CD163L1: variants seen among roughly 807,000 people sequenced by gnomAD.
The protein encoded by CD163L1 is CD163 molecule like 1.
Under a neutral mutation model 165.4 loss-of-function variants are expected in CD163L1, and 124 were observed. The observed-to-expected ratio is 0.75, with a 90% confidence interval of 0.65 to 0.87. CD163L1 has a LOEUF of 0.87. Among genes scored for constraint, CD163L1 ranks in the 40% least tolerant of loss-of-function variants. CD163L1 has a pLI of 0.00. For missense variants in CD163L1, 1,525 were observed against 1,799.9 expected (o/e 0.85, Z 2.76); for synonymous variants, 585 against 662.2 (o/e 0.88, Z 1.79).
In CD163L1 at chr12:7,396,140, T is replaced by C. The variant is rs763025188; in HGVS notation, c.2005A>G (p.Asn669Asp). 4.3e-6 allele frequency: 7 copies of C among 1,614,112 alleles called. No homozygotes were observed. In the South Asian group the frequency reaches 7.7e-5, roughly 18 times the overall value. The change falls in exon 8 of 20, where the codon AAT becomes GAT. Residue 669 changes from asparagine to aspartate, a missense_variant. Physicochemically the swap from Asn to Asp is conservative, Grantham distance 23. Transcript: ENST00000313599. ...LWSCRNSGWG[N>D]NDCSHSEDVG... The stretch of plus-strand genomic sequence containing the variant: ...TCTTCACTGTGACTGCAGTCATTAT[T>C]TCCCCACCCACTGTTCCTGCATGAC...
the CD163L1 span, among the ~76,000 whole-genome samples, chr12:7,335,786 A>T: frequency 9.6e-4 from 146 of 152,268 alleles, no homozygotes; most frequent in African/African-American, 3.2e-3. Context: ...ATCCAGAATC[A>T]ACAATGAACT....
At position 7,387,253 on chromosome 12, in the gene CD163L1, C is replaced by A. The variant is rs190813097; in HGVS notation, c.2051-7955G>T. 4.8e-3 allele frequency among the ~76,000 whole-genome samples: 733 copies of A among 152,102 alleles called. 8 individuals carry two copies. Among genetic ancestry groups the A allele is most frequent in the African/African-American group, 0.017 (693 of 41,514 alleles). ...CACAAGAAAGAATAAAATAAAATAT[C>A]TAGGAATACATTTAACCAAGGAGGT... On this transcript the variant is annotated intron_variant, in intron 8 of 19. Coordinates refer to ENST00000313599, the MANE Select transcript of CD163L1 (RefSeq NM_174941.6).
intron 4 of CD163L1, among the ~76,000 whole-genome samples, chr12:7,417,282 G>T (rs1948264656): frequency 6.6e-6 from 1 of 152,182 alleles, no homozygotes; most frequent in African/African-American, 2.4e-5. Context: ...CTGAGACTTT[G>T]CTGAAGTTGC....
At chr12:7,348,983 T>G (rs1029272911) in intron 4 of CD163L1, among the ~76,000 whole-genome samples, 3 of 152,036 alleles carry the variant, frequency 2.0e-5, no homozygotes, top group Non-Finnish European at 4.4e-5. Context: ...CTCTGAGACT[T>G]AAGGGGAAAA....
At position 7,372,540 on chromosome 12, in the gene CD163L1, T is replaced by C; in HGVS notation, c.3730+780A>G. Among the ~76,000 whole-genome samples, 1 of 152,024 alleles carries C rather than the reference T, an allele frequency of 6.6e-6. No homozygotes were observed. The highest frequency in any genetic ancestry group is 1.9e-4 in the East Asian group (1 of 5,192). The stretch of plus-strand genomic sequence containing the variant: ...TGTATGCCATTTGAAGGCTATTCAT[T>C]GAAATTAGAATATATTTACAGTATA... On this transcript the variant is annotated intron_variant, in intron 14 of 19. Coordinates refer to ENST00000313599, the MANE Select transcript of CD163L1 (RefSeq NM_174941.6). This position sits in a 1 kb window ranked among gnomAD's most constrained non-coding sequence, Gnocchi z 4.2.
the CD163L1 span, among the ~76,000 whole-genome samples, chr12:7,333,416 G>C: frequency 6.6e-6 from 1 of 152,106 alleles, no homozygotes; most frequent in African/African-American, 2.4e-5. Flanking sequence ...AATGAAGGCA[G>C]AAATAAAGAT....
chr12:7,346,501 C>T (rs1038727123), downstream of CD163L1, among the ~76,000 whole-genome samples: 1 of 152,042 alleles, frequency 6.6e-6, no homozygotes, highest in Non-Finnish European at 1.5e-5. Context: ...CTGCCCAATA[C>T]ATTTCCTGCC....
the CD163L1 span, among the ~76,000 whole-genome samples, chr12:7,320,087 T>A: frequency 1.3e-5 from 2 of 152,190 alleles, no homozygotes; most frequent in African/African-American, 4.8e-5. Flanking sequence ...TTAAGTTTAA[T>A]ACAAATTGTC....
At chr12:7,356,210 C>G (rs1335595538) in intron 19 of CD163L1, among the ~76,000 whole-genome samples, 1 of 151,950 alleles carries the variant, frequency 6.6e-6, no homozygotes. Context: ...TTAAGTTTTT[C>G]AATGAACTTT....
chr12:7,403,413 G>A (rs1191953415), intron 6 of CD163L1, 122 bp downstream of exon 6: 3 of 890,776 alleles, frequency 3.4e-6, no homozygotes, highest in Non-Finnish European at 5.0e-6. Context: ...TGCAGCTTAA[G>A]AGTATTTTGG....
chr12:7,355,621 T>C (rs1946758783), intron 19 of CD163L1, among the ~76,000 whole-genome samples: 1 of 152,136 alleles, frequency 6.6e-6, no homozygotes, highest in African/African-American at 2.4e-5. Flanking sequence ...CCCCCCAAAT[T>C]CATATGTTCA....
intron 8 of CD163L1, among the ~76,000 whole-genome samples, chr12:7,380,386 T>TATACGCGTATACACACATGTATGTGTGG (rs1330526657): frequency 7.1e-6 from 1 of 141,408 alleles, no homozygotes; most frequent in Non-Finnish European, 1.6e-5. Context: ...TGTATGTGTG[T>TATACGCGTATACACACATGTATGTGTGG]ATATGCGTAT....
At chr12:7,412,169 A>AT (rs1948150436) in intron 4 of CD163L1, among the ~76,000 whole-genome samples, 1 of 152,240 alleles carries the variant, frequency 6.6e-6, no homozygotes, top group African/African-American at 2.4e-5. Context: ...ATGCTAAAAT[A>AT]TTGTCCTCAC....
chr12:7,384,713 A>G (rs1206489539), intron 8 of CD163L1, among the ~76,000 whole-genome samples: 1 of 152,104 alleles, frequency 6.6e-6, no homozygotes, highest in Non-Finnish European at 1.5e-5. Context: ...TTCAAAAATG[A>G]AGGAGATATA....
intron 17 of CD163L1, 53 bp from the exon 18 acceptor site, chr12:7,367,384 A>G (rs1947046844): frequency 2.6e-6 from 3 of 1,143,986 alleles, no homozygotes; most frequent in Middle Eastern, 2.0e-4. Context: ...CCTATCCCTT[A>G]TATTAGGACA....
chr12:7,319,661 T>C, the CD163L1 span, among the ~76,000 whole-genome samples: 1,111 of 151,992 alleles, frequency 7.3e-3, 16 homozygotes, highest in African/African-American at 0.026. Flanking sequence ...CCTCCTGCTG[T>C]GTGGCCCAGT....
chr12:7,375,563 A>T lies in CD163L1; in HGVS notation c.2719T>A (p.Ser907Thr). The change falls in exon 11 of 20, where the codon TCC becomes ACC. Residue 907 changes from serine (S) to threonine (T), a missense_variant. Ser to Thr is a moderately conservative substitution (Grantham distance 58). Transcript: ENST00000313599. ...ATCTCCACTTGCCCGTCACACTGGG[A>T]TTTGCCATTCACAAGTCGGACATCT... ...YTDVRLVNGK[S>T]QCDGQVEINV... 1.2e-6 allele frequency: 2 copies of T among 1,613,390 alleles called. No homozygotes were observed.
In CD163L1 at chr12:7,400,263, T is replaced by C. The variant is rs1383061669; in HGVS notation, c.1409-1679A>G. ...TATGTCACCAAGTGCTTCCACAATATAATGGAAACCAATGTATTCAATGTA... is the reference window on the plus strand; with the variant it reads ...TATGTCACCAAGTGCTTCCACAATACAATGGAAACCAATGTATTCAATGTA... On this transcript the variant is annotated intron_variant, in intron 6 of 19. Coordinates refer to ENST00000313599, the MANE Select transcript of CD163L1 (RefSeq NM_174941.6). This position sits in a 1 kb window ranked among gnomAD's most constrained non-coding sequence, Gnocchi z 4.1. Among the ~76,000 whole-genome samples, 2 of 152,144 alleles carry C rather than the reference T, an allele frequency of 1.3e-5. No individual in the cohort carries two copies. Among genetic ancestry groups the C allele is most frequent in the African/African-American group, 2.4e-5 (1 of 41,432 alleles).
At chr12:7,353,568 G>A (rs1217124651), downstream of CD163L1, among the ~76,000 whole-genome samples, 1 of 151,998 alleles carries the variant, frequency 6.6e-6, no homozygotes, top group Admixed American at 6.6e-5. Context: ...TATGATTAAT[G>A]TTGCATTTAA....
Sources: gnomAD v4.1 joint callset for allele counts (sites outside exome capture counted in the v4.1 genomes callset) on GRCh38, gnomAD v4.1.1 for gene constraint, Gnocchi (gnomAD v3.1) non-coding constraint, MANE v1.5 for transcripts, NCBI Gene and HGNC (gene_info 2026-07-23, HGNC 2026-07-21) for gene names.